Variants in RBPMS observed in about 807,000 individuals in gnomAD.
The protein encoded by RBPMS is RNA binding protein, mRNA processing factor.
RBPMS carries 7 observed loss-of-function variants against 26.8 expected under a neutral mutation model. The ratio of observed to expected loss-of-function variants is 0.26; its 90% CI spans 0.15 to 0.49. The LOEUF is 0.49. Among genes scored for constraint, RBPMS ranks in the 20% least tolerant of loss-of-function variants. The probability of loss-of-function intolerance (pLI) is 0.98; values close to 1 mark genes in which losing one functional copy is unlikely to be tolerated. For synonymous variants in RBPMS, 96 were observed against 93.3 expected (o/e 1.03, Z -0.17); for missense variants, 186 against 250.0 (o/e 0.74, Z 1.73).
chr8:30,449,047 A>C (rs1009549294), intron 1 of RBPMS, among the ~76,000 whole-genome samples: 1 of 152,196 alleles, frequency 6.6e-6, no homozygotes, highest in Non-Finnish European at 1.5e-5. Flanking sequence ...GGAGTACTGG[A>C]GAATGACAGG....
At chr8:30,432,073 C>T (rs1206664379) in intron 1 of RBPMS, among the ~76,000 whole-genome samples, 1 of 152,048 alleles carries the variant, frequency 6.6e-6, no homozygotes, top group Non-Finnish European at 1.5e-5. Context: ...CTGCAGTGAG[C>T]CATGATCACG....
chr8:30,509,504 C>G (rs1821370684), intron 5 of RBPMS, among the ~76,000 whole-genome samples: 2 of 152,306 alleles, frequency 1.3e-5, no homozygotes, highest in South Asian at 4.1e-4. Context: ...CATTCCCTCC[C>G]AGAGACAACA....
chr8:30,536,464 C>T (rs1330175488), intron 5 of RBPMS, among the ~76,000 whole-genome samples: 2 of 152,114 alleles, frequency 1.3e-5, no homozygotes, highest in African/African-American at 4.8e-5. Context: ...GAGATGTACC[C>T]AAGCAGCAAT....
intron 6 of RBPMS, among the ~76,000 whole-genome samples, chr8:30,549,844 CTTTT>C (rs1426319649): frequency 2.6e-5 from 3 of 115,550 alleles, no homozygotes; most frequent in East Asian, 2.7e-4. Flanking sequence ...TCTTTTCTTT[CTTTT>C]CTTTCTTCTT....
chr8:30,559,108 A>G (rs1827234584), intron 7 of RBPMS, among the ~76,000 whole-genome samples, 152 bp downstream of exon 7: 1 of 152,248 alleles, frequency 6.6e-6, no homozygotes, highest in South Asian at 2.1e-4. Flanking sequence ...TGAACTACAT[A>G]GCAGTGCATC....
chr8:30,493,820 G>T (rs146658834), intron 4 of RBPMS, among the ~76,000 whole-genome samples: 1 of 152,226 alleles, frequency 6.6e-6, no homozygotes, highest in Non-Finnish European at 1.5e-5. Context: ...AACTCTGCTT[G>T]TCTCTGATTC....
At chr8:30,542,385 C>T (rs186947976) in intron 5 of RBPMS, among the ~76,000 whole-genome samples, 68 of 152,304 alleles carry the variant, frequency 4.5e-4, no homozygotes, top group Non-Finnish European at 7.8e-4. Context: ...TCTTTAGGAT[C>T]AGATATCTTA....
rs568251360 is a variant in RBPMS at position 30,463,380 on chromosome 8, G to A, written c.67-11399G>A. ...CGGTCATCTGAAGACTTGACTAGGC[G>A]TGGGAGATCTGCTTCTAAGATGGCT... is the stretch of plus-strand genomic sequence containing the variant. On this transcript the variant is annotated intron_variant, in intron 1 of 8. Coordinates refer to ENST00000397323, the MANE Select transcript of RBPMS (RefSeq NM_001008710.3). Among the ~76,000 whole-genome samples the A allele has an allele frequency of 3.3e-5, 5 of 152,328 alleles. No homozygotes were observed. The South Asian group carries it at 8.3e-4, about 25-fold the overall frequency.
intron 8 of RBPMS, among the ~76,000 whole-genome samples, chr8:30,568,363 C>T (rs957209199): frequency 6.6e-6 from 1 of 152,184 alleles, no homozygotes; most frequent in Non-Finnish European, 1.5e-5. Flanking sequence ...TCTCCCAAGG[C>T]ATCGGACCGA....
At chr8:30,485,693 TC>T (rs934042962) in intron 4 of RBPMS, among the ~76,000 whole-genome samples, 12 of 151,994 alleles carry the variant, frequency 7.9e-5, no homozygotes, top group Non-Finnish European at 1.6e-4. Context: ...TCCAGTGAAC[TC>T]CCCCCAAAGA....
chr8:30,552,074 G>A lies in RBPMS; in HGVS notation c.529-6813G>A, dbSNP rs79594872. 5.4e-3 allele frequency among the ~76,000 whole-genome samples: 816 copies of A among 152,278 alleles called. 11 individuals carry two copies. The highest frequency in any genetic ancestry group is 0.019 in the African/African-American group (774 of 41,566). The stretch of plus-strand genomic sequence containing the variant: ...CACAGGGACTCCTGACCAGCACCCT[G>A]ATAAGAGAAACCTAAGGGCCTGGGC... On this transcript the variant is annotated intron_variant, in intron 6 of 8. Coordinates refer to ENST00000397323, the MANE Select transcript of RBPMS (RefSeq NM_001008710.3).
intron 1 of RBPMS, among the ~76,000 whole-genome samples, chr8:30,419,419 C>T (rs1810475193): frequency 6.8e-6 from 1 of 146,010 alleles, no homozygotes. Context: ...GCACTCCAGC[C>T]TGGGCGACAG....
intron 5 of RBPMS, among the ~76,000 whole-genome samples, chr8:30,532,988 C>T (rs1824395168): frequency 6.6e-6 from 1 of 152,140 alleles, no homozygotes; most frequent in Non-Finnish European, 1.5e-5. Flanking sequence ...CAGAGTTTGC[C>T]TCACAGCAGG....
At chr8:30,494,837 G>T (rs544323852) in intron 4 of RBPMS, among the ~76,000 whole-genome samples, 13 of 152,274 alleles carry the variant, frequency 8.5e-5, no homozygotes, top group Non-Finnish European at 1.6e-4. Flanking sequence ...CAGACATGAG[G>T]TTTTCCCCAT....
chr8:30,433,091 C>T (rs1022641192), intron 1 of RBPMS, among the ~76,000 whole-genome samples: 6 of 152,264 alleles, frequency 3.9e-5, no homozygotes, highest in Admixed American at 2.6e-4. Flanking sequence ...TTCAAATAGC[C>T]AGCGGCCTCA....
chr8:30,516,365 A>G (rs1234001355), intron 5 of RBPMS, among the ~76,000 whole-genome samples: 1 of 151,842 alleles, frequency 6.6e-6, no homozygotes, highest in African/African-American at 2.4e-5. Context: ...AGCCTGGGGG[A>G]CAGAGTGAGT....
rs577319039 is a variant in RBPMS, at chr8:30,415,625, C to T, written c.66+30467C>T. On this transcript the variant is annotated intron_variant, in intron 1 of 8. Coordinates refer to ENST00000397323, the MANE Select transcript of RBPMS (RefSeq NM_001008710.3). ...TTCTGGGAGGGTGCTTCAGGAAACTCAAGAGTCTTGGATGGGGAGAGGCCA... is the reference window on the plus strand; with the variant it reads ...TTCTGGGAGGGTGCTTCAGGAAACTTAAGAGTCTTGGATGGGGAGAGGCCA... 3.9e-5 allele frequency among the ~76,000 whole-genome samples: 6 copies of T among 152,238 alleles called. No homozygotes were observed. In the South Asian group the frequency reaches 8.3e-4, roughly 21 times the overall value.
At chr8:30,559,775 C>G (rs903709832) in intron 7 of RBPMS, among the ~76,000 whole-genome samples, 1 of 152,180 alleles carries the variant, frequency 6.6e-6, no homozygotes, top group Non-Finnish European at 1.5e-5. Context: ...GAGGGAGGGG[C>G]CTGATCCTCA....
At chr8:30,409,657 G>A (rs141572633) in intron 1 of RBPMS, among the ~76,000 whole-genome samples, 2 of 152,014 alleles carry the variant, frequency 1.3e-5, no homozygotes, top group East Asian at 1.9e-4. Context: ...TTTTTGAGAC[G>A]GAGTCTCGCT....
Sources: gnomAD v4.1 joint callset for allele counts (sites outside exome capture counted in the v4.1 genomes callset) on GRCh38, gnomAD v4.1.1 for gene constraint, MANE v1.5 for transcripts, NCBI Gene and HGNC (gene_info 2026-07-23, HGNC 2026-07-21) for gene names.